HP: variants seen among roughly 807,000 people sequenced by gnomAD.
HP encodes the protein haptoglobin alpha(1S)-beta.
In HP, 9 loss-of-function variants were observed where a neutral mutation model predicts 23.2. That is an observed-to-expected ratio of 0.39 (90% CI 0.23 to 0.68). The LOEUF is 0.68. Among genes scored for constraint, HP ranks in the 30% least tolerant of loss-of-function variants. The pLI, the probability that HP is intolerant of heterozygous loss-of-function variation, is 0.47. For missense variants in HP, 433 were observed against 483.6 expected (o/e 0.90, Z 0.98); for synonymous variants, 155 against 183.3 (o/e 0.85, Z 1.25).
Position 72,059,176 on chromosome 16 carries a change from G to C in HP, c.430G>C (p.Glu144Gln). Residue 144 changes from glutamate (E) to glutamine (Q), a missense_variant, in exon 6 of 7, where the codon GAA becomes CAA. By Grantham distance (29) the Glu-to-Gln change is conservative. This residue lies in a region of HP where 326 missense variants were observed against 358.1 expected (regional missense o/e 0.91). Transcript: ENST00000355906. ...INKAVGDKLPECEAVCGKPKN... is the reference protein window; with the variant it reads ...INKAVGDKLPQCEAVCGKPKN... ...TAAGGCTGTTGGAGATAAACTTCCTGAATGTGAAGCAGGTGGGTGCTGAGC... is the reference window on the plus strand; with the variant it reads ...TAAGGCTGTTGGAGATAAACTTCCTCAATGTGAAGCAGGTGGGTGCTGAGC... 6.4e-7 allele frequency: 1 copy of C among 1,565,424 alleles called. No homozygotes were observed. Among genetic ancestry groups the C allele is most frequent in the East Asian group, 2.2e-5 (1 of 44,840 alleles).
At chr16:72,056,340 C>A in intron 2 of HP, 97 bp downstream of exon 2, 1 of 1,563,584 alleles carries the variant, frequency 6.4e-7, no homozygotes, top group African/African-American at 1.4e-5. Flanking sequence ...TTATCTCGAC[C>A]TCTGGGCTTT....
intron 6 of HP, 44 bp downstream of exon 6, chr16:72,059,232 G>A: frequency 6.4e-7 from 1 of 1,561,908 alleles, no homozygotes; most frequent in Non-Finnish European, 8.7e-7. Context: ...GTCCAGCGGG[G>A]AACGTCCTAG....
chr16:72,055,813 A>G (rs2041450340), intron 1 of HP: 2 of 360,892 alleles, frequency 5.5e-6, no homozygotes, highest in Non-Finnish European at 1.1e-5. Context: ...GGGCTCCTGT[A>G]TTATTGCCAA....
chr16:72,055,797 C>T, intron 1 of HP: 1 of 345,366 alleles, frequency 2.9e-6, no homozygotes, highest in East Asian at 7.2e-5. Flanking sequence ...GTTTCTCTTT[C>T]CTGGAGGGCT....
At chr16:72,056,095 G>A in intron 1 of HP, 66 bp from the exon 2 acceptor site, 2 of 1,535,474 alleles carry the variant, frequency 1.3e-6, no homozygotes, top group South Asian at 1.1e-5. Context: ...ATGTGTGTGT[G>A]GATGCATGCA....
At position 72,060,315 on chromosome 16, in the gene HP, G is replaced by C; in HGVS notation, c.646G>C (p.Asp216His). Reference sequence around the variant, plus strand: ...CCATTCAGAAAATGCAACAGCGAAAGACATTGCCCCTACTTTAACACTCTA... The same window carrying C: ...CCATTCAGAAAATGCAACAGCGAAACACATTGCCCCTACTTTAACACTCTA... ...LNHSENATAKDIAPTLTLYVG... is the reference protein window; with the variant it reads ...LNHSENATAKHIAPTLTLYVG... Residue 216 changes from aspartate (D) to histidine (H), a missense_variant, in exon 7 of 7, where the codon GAC becomes CAC. Transcript: ENST00000355906. 6.2e-7 allele frequency: 1 copy of C among 1,614,132 alleles called. No individual in the cohort carries two copies. Among genetic ancestry groups the C allele is most frequent in the Non-Finnish European group, 8.5e-7 (1 of 1,180,034 alleles).
In HP at chr16:72,060,390, A is replaced by G. The variant is rs2041524054; in HGVS notation, c.721A>G (p.Asn241Asp). The change falls in exon 7 of 7, where the codon AAC becomes GAC. Residue 241 changes from asparagine (N) to aspartate (D), a missense_variant. This residue lies in a region of HP where 326 missense variants were observed against 358.1 expected (regional missense o/e 0.91). Transcript: ENST00000355906. Reference sequence around the variant, plus strand: ...GATTGAGAAGGTTGTTCTACACCCTAACTACTCCCAGGTAGATATTGGGCT... The same window carrying G: ...GATTGAGAAGGTTGTTCTACACCCTGACTACTCCCAGGTAGATATTGGGCT... ...VEIEKVVLHPNYSQVDIGLIK... is the reference protein window; with the variant it reads ...VEIEKVVLHPDYSQVDIGLIK... 3 of 1,614,174 alleles carry G rather than the reference A, an allele frequency of 1.9e-6. No homozygotes were observed. Among genetic ancestry groups the G allele is most frequent in the Non-Finnish European group, 2.5e-6 (3 of 1,180,032 alleles).
intron 6 of HP, 194 bp downstream of exon 6, chr16:72,059,382 G>A (rs1333687834): frequency 1.3e-6 from 1 of 764,950 alleles, no homozygotes; most frequent in African/African-American, 1.8e-5. Context: ...TTGTTCATTA[G>A]GGCCTGAAGG....
At chr16:72,059,084 C>T in intron 5 of HP, 30 bp from the exon 6 acceptor site, 1 of 1,556,140 alleles carries the variant, frequency 6.4e-7, no homozygotes, top group Non-Finnish European at 8.8e-7. Context: ...TTGACTTCTC[C>T]TTTGGCTCAC....
At position 72,060,937 on chromosome 16, in the gene HP, G is replaced by C. The variant is rs776144098; in HGVS notation, c.*47G>C. 16 of 1,536,236 alleles carry C rather than the reference G, an allele frequency of 1.0e-5. No homozygotes were observed. In the South Asian group the frequency reaches 1.7e-4, roughly 16 times the overall value. On this transcript the variant is annotated 3_prime_UTR_variant, in exon 7 of 7. Transcript: ENST00000355906. ...TTGCCTGAAAGCAAGATTTCAGCCT[G>C]GAAGAGGGCAAAGTGGACGGGAGTG... is the stretch of plus-strand genomic sequence containing the variant.
chr16:72,059,584 A>G (rs1192384862), intron 6 of HP: 1 of 264,194 alleles, frequency 3.8e-6, no homozygotes, highest in African/African-American at 2.3e-5. Flanking sequence ...GCTTCTCGTT[A>G]TTAGGAGGAG....
chr16:72,060,781 C>A lies in HP; in HGVS notation c.1112C>A (p.Ala371Glu). The change falls in exon 7 of 7, where the codon GCG becomes GAG. Residue 371 changes from alanine to glutamate, a missense_variant. Physicochemically the swap from Ala to Glu is moderately radical, Grantham distance 107. Around this residue, in one of 3 missense-constraint regions of HP, gnomAD observed 326 missense variants for 358.1 expected, o/e 0.91. Coordinates refer to ENST00000355906, the MANE Select transcript of HP (RefSeq NM_005143.5). ...GACCTGGAGGAGGACACCTGGTATG[C>A]GACTGGGATCTTAAGCTTTGATAAG... The part of the protein sequence containing the change: ...VHDLEEDTWY[A>E]TGILSFDKSC... 1 of 1,614,096 alleles carries A rather than the reference C, an allele frequency of 6.2e-7. No individual in the cohort carries two copies. Among genetic ancestry groups the A allele is most frequent in the Non-Finnish European group, 8.5e-7 (1 of 1,180,012 alleles).
Position 72,060,626 on chromosome 16 carries a change from C to T in HP, c.957C>T (p.Pro319=), listed in dbSNP as rs112933438. ...CIRHYEGSTV[P]EKKTPKSPVG... is the part of the protein sequence containing the mutation. The stretch of plus-strand genomic sequence containing the variant: ...GGCATTATGAAGGCAGCACAGTCCC[C>T]GAAAAGAAGACACCGAAGAGCCCTG... Residue 319 remains proline (P), a synonymous_variant, in exon 7 of 7, where the codon CCC becomes CCT. Transcript: ENST00000355906. The T allele has an allele frequency of 5.6e-3, 8,990 of 1,614,156 alleles. 37 individuals carry two copies. The highest frequency in any genetic ancestry group is 0.011 in the South Asian group (973 of 91,086).
rs2041537843 is a variant in HP, at chr16:72,060,988, G to A, written c.*98G>A. 2.1e-6 allele frequency: 3 copies of A among 1,405,170 alleles called. No homozygotes were observed. Among genetic ancestry groups the A allele is most frequent in the South Asian group, 1.4e-5 (1 of 70,230 alleles). The allele number at this position is 1,405,170 out of a possible 1,614,324, so 87.0% of individuals were successfully genotyped here. A position where few individuals can be genotyped will look rare whatever the true frequency, so the allele number is the denominator to read the frequency against. The stretch of plus-strand genomic sequence containing the variant: ...GACAGGAGTGGATGCGATAAGATGT[G>A]GTTTGAAGCTGATGGGTGCCAGCCC... On this transcript the variant is annotated 3_prime_UTR_variant, in exon 7 of 7. Transcript: ENST00000355906.
intron 2 of HP, 70 bp from the exon 3 acceptor site, chr16:72,056,460 A>C: frequency 6.6e-7 from 1 of 1,509,078 alleles, no homozygotes; most frequent in Non-Finnish European, 9.0e-7. Context: ...GCTCCCGCTC[A>C]TCTGACTTTT....
intron 6 of HP, 155 bp from the exon 7 acceptor site, chr16:72,059,957 C>A: frequency 7.0e-7 from 1 of 1,428,764 alleles, no homozygotes; most frequent in Non-Finnish European, 9.3e-7. Context: ...TTTAAAACTG[C>A]AACTATTGGA....
chr16:72,058,101 T>C lies in HP; in HGVS notation c.266-153T>C, dbSNP rs2041484940. 2 of 977,442 alleles carry C rather than the reference T, an allele frequency of 2.0e-6. 1 individual carries two copies. The highest frequency in any genetic ancestry group is 5.9e-5 in the Admixed American group (2 of 33,966). The allele number at this position is 977,442 out of a possible 1,614,324, so 60.5% of individuals were successfully genotyped here. On this transcript the variant is annotated intron_variant, in intron 4 of 6. Coordinates refer to ENST00000355906, the MANE Select transcript of HP (RefSeq NM_005143.5). ...CAGGGAATTGTGGAAATTCCTTTAT[T>C]GGGATAATTGTTTAAAAATAATACA...
intron 1 of HP, chr16:72,054,955 A>C (rs1481531212): frequency 3.5e-6 from 2 of 574,886 alleles, no homozygotes; most frequent in Admixed American, 6.2e-5. Context: ...CATCCTGAGT[A>C]TATTTATTAG....
Position 72,060,457 on chromosome 16 carries a change from T to C in HP, c.788T>C (p.Met263Thr). ...KQKVSVNERVMPICLPSKDYA... is the reference protein window; with the variant it reads ...KQKVSVNERVTPICLPSKDYA... ...AAGGTGTCTGTTAATGAGAGAGTGA[T>C]GCCCATCTGCCTACCTTCAAAGGAT... Residue 263 changes from methionine to threonine, a missense_variant, in exon 7 of 7, where the codon ATG becomes ACG. Met to Thr is a moderately conservative substitution (Grantham distance 81). Transcript: ENST00000355906. 1.2e-6 allele frequency: 2 copies of C among 1,614,202 alleles called. No homozygotes were observed. The highest frequency in any genetic ancestry group is 8.5e-7 in the Non-Finnish European group (1 of 1,180,038).
Sources: gnomAD v4.1 joint callset for allele counts on GRCh38, gnomAD v4.1.1 for gene constraint, gnomAD v4.1.1 regional missense constraint, MANE v1.5 for transcripts, NCBI Gene and HGNC (gene_info 2026-07-23, HGNC 2026-07-21) for gene names.